MED12: variants seen among roughly 807,000 people sequenced by gnomAD.
MED12 encodes the protein mediator complex subunit 12.
A neutral mutation model predicts 177.7 loss-of-function variants in MED12; 10 were observed. The ratio of observed to expected loss-of-function variants is 0.06; its 90% CI spans 0.03 to 0.10. The LOEUF (loss-of-function observed/expected upper bound fraction) is 0.10. Ranked by LOEUF, MED12 falls within the 10% of genes least tolerant of loss-of-function variation. The pLI is 1.00. For missense variants in MED12, 867 were observed against 1,780.8 expected, an observed-to-expected ratio of 0.49 and a Z score of 9.23; for synonymous variants, 641 against 678.4, an observed-to-expected ratio of 0.94 and a Z score of 0.86.
intron 14 of MED12, 36 bp from the exon 15 acceptor site, chrX:71,124,940 T>C (rs769799449): frequency 2.5e-6 from 3 of 1,207,379 alleles, no homozygotes; most frequent in Non-Finnish European, 3.4e-6. Context: ...TCCACTTTCC[T>C]TCTTCTCATG....
intron 31 of MED12, 83 bp from the exon 32 acceptor site, chrX:71,132,752 CCTCTCCTCTT>C (rs1177076252): frequency 6.3e-6 from 5 of 793,810 alleles, no homozygotes; most frequent in Admixed American, 3.0e-5. Context: ...TCCCTTTTCT[CCTCTCCTCTT>C]CTCTCCTCTT....
rs372991031 is a variant in MED12, at chrX:71,135,067, T to C, written c.4864-25T>C. The stretch of plus-strand genomic sequence containing the variant: ...CCCTGTTTTCTGTATCTCTGAACTC[T>C]TGTCCCATCTTCCTGTGCCTGCAGA... On this transcript the variant is annotated intron_variant, in intron 35 of 44. Coordinates refer to ENST00000374080, the MANE Select transcript of MED12 (RefSeq NM_005120.3). 5.0e-6 allele frequency: 6 copies of C among 1,208,761 alleles called. No homozygotes were observed. The African/African-American group carries it at 1.1e-4, about 21-fold the overall frequency.
Position 71,128,612 on chromosome X carries a change from T to A in MED12, c.3369T>A (p.Ser1123=). 8.3e-7 allele frequency: 1 copy of A among 1,211,300 alleles called. No individual in the cohort carries two copies. The highest frequency in any genetic ancestry group is 1.1e-6 in the Non-Finnish European group (1 of 895,489). The change falls in exon 24 of 45, where the codon TCT becomes TCA. Residue 1123 remains serine (S), a synonymous_variant. Transcript: ENST00000374080. The part of the protein sequence containing the change: ...LLCNVDVSDL[S]FHDSLATFVA... ...TTTTCCTCCAGGTCAGTGACCTATC[T>A]TTTCATGACTCGCTGGCTACTTTTG...
At chrX:71,142,046 C>A in intron 44 of MED12, 82 bp downstream of exon 44, 1 of 1,119,551 alleles carries the variant, frequency 8.9e-7, no homozygotes, top group Non-Finnish European at 1.2e-6. Context: ...GAAACGATAG[C>A]TTCAGGCCCA....
chrX:71,125,857 C>T, intron 17 of MED12, 144 bp downstream of exon 17: 1 of 614,069 alleles, frequency 1.6e-6, no homozygotes. Flanking sequence ...CCCTTCATTC[C>T]TCCCCCATCC....
At position 71,125,439 on chromosome X, in the gene MED12, A is replaced by G; in HGVS notation, c.2315A>G (p.Lys772Arg). The change falls in exon 16 of 45, where the codon AAG (lysine) becomes AGG (arginine). Residue 772 changes from lysine to arginine, a missense_variant. Physicochemically the swap from Lys to Arg is conservative, Grantham distance 26. Around this residue, in one of 14 missense-constraint regions of MED12, gnomAD observed 309 missense variants for 556.3 expected, o/e 0.56. Coordinates refer to ENST00000374080, the MANE Select transcript of MED12 (RefSeq NM_005120.3). ...KQRDDARHAI[K>R]KITKDILKVL... is the part of the protein sequence containing the mutation. The stretch of plus-strand genomic sequence containing the variant: ...CGAGATGATGCCCGCCATGCCATCA[A>G]GAAAATCACCAAGGATATCTTGAAG... 3 of 1,211,144 alleles carry G rather than the reference A, an allele frequency of 2.5e-6. No homozygotes were observed. Among genetic ancestry groups the G allele is most frequent in the East Asian group, 3.0e-5 (1 of 33,824 alleles).
chrX:71,124,417 G>T (rs1383627532), intron 13 of MED12, 29 bp downstream of exon 13: 1 of 1,091,663 alleles, frequency 9.2e-7, no homozygotes, highest in Admixed American at 2.5e-5. Context: ...GCACTAGATC[G>T]TTTCTTCTGA....
chrX:71,141,342 C>G lies in MED12; in HGVS notation c.6380C>G (p.Pro2127Arg). Reference protein sequence around the residue: ...QQQQQQQAAPPQPQPQSQPQF... With the variant: ...QQQQQQQAAPRQPQPQSQPQF... ...CAACAGCAGCAACAGGCGGCTCCTC[C>G]CCAACCCCAGCCCCAGTCCCAGCCC... Residue 2127 changes from proline to arginine, a missense_variant, in exon 43 of 45, where the codon CCC becomes CGC. By Grantham distance (103) the Pro-to-Arg change is moderately radical. Around this residue, in one of 14 missense-constraint regions of MED12, gnomAD observed 236 missense variants for 345.2 expected, o/e 0.68. Transcript: ENST00000374080. 8.6e-7 allele frequency: 1 copy of G among 1,158,224 alleles called. No homozygotes were observed. Among genetic ancestry groups the G allele is most frequent in the Non-Finnish European group, 1.2e-6 (1 of 869,006 alleles).
rs1468713478 is a variant in MED12, at chrX:71,142,219, G to T, written c.*1G>T. On this transcript the variant is annotated 3_prime_UTR_variant, in exon 45 of 45. Coordinates refer to ENST00000374080, the MANE Select transcript of MED12 (RefSeq NM_005120.3). ...TACCAACATATTTGGACGCTACTGA[G>T]CCACCTGGAGGAACTGCTTGTGCAC... is the stretch of plus-strand genomic sequence containing the variant. 2.5e-6 allele frequency: 3 copies of T among 1,210,132 alleles called. No homozygotes were observed. Among genetic ancestry groups the T allele is most frequent in the Admixed American group, 4.3e-5 (2 of 46,063 alleles).
chrX:71,136,188 C>T (rs2147825649), intron 36 of MED12, 93 bp from the exon 37 acceptor site: 2 of 1,054,718 alleles, frequency 1.9e-6, no homozygotes, highest in Non-Finnish European at 2.7e-6. Context: ...CCTGAATCTG[C>T]CTATGACTTT....
chrX:71,126,400 G>A lies in MED12; in HGVS notation c.2601G>A (p.Leu867=). The part of the protein sequence containing the change: ...TSFALGMSYH[L]PLVQHVQFIF... ...TTGCCCTTGGCATGTCATACCACTT[G>A]CCTCTGGTGCAGCATGTGCAGTTCA... The change falls in exon 19 of 45, where the codon TTG becomes TTA. Residue 867 remains leucine (L), a synonymous_variant. Coordinates refer to ENST00000374080, the MANE Select transcript of MED12 (RefSeq NM_005120.3). The A allele has an allele frequency of 8.3e-7, 1 of 1,211,598 alleles. No individual in the cohort carries two copies. Among genetic ancestry groups the A allele is most frequent in the South Asian group, 1.8e-5 (1 of 57,009 alleles).
Position 71,129,379 on chromosome X carries a change from G to A in MED12, c.3641G>A (p.Arg1214His), listed in dbSNP as rs2092311084. 5 of 1,209,979 alleles carry A rather than the reference G, an allele frequency of 4.1e-6. No homozygotes were observed. Among genetic ancestry groups the A allele is most frequent in the Non-Finnish European group, 5.6e-6 (5 of 893,827 alleles). ...DRHLLAASQN[R>H]IVDGAVFAVL... ...CACCTGCTGGCTGCCTCCCAGAACCGCATCGTGGATGGAGCCGTGTTTGCT... is the reference window on the plus strand; with the variant it reads ...CACCTGCTGGCTGCCTCCCAGAACCACATCGTGGATGGAGCCGTGTTTGCT... The change falls in exon 26 of 45, where the codon CGC (arginine) becomes CAC (histidine). Residue 1214 changes from arginine to histidine, a missense_variant. By Grantham distance (29) the Arg-to-His change is conservative (BLOSUM62 0). Transcript: ENST00000374080.
intron 33 of MED12, among the ~76,000 whole-genome samples, chrX:71,133,805 C>T (rs929986818): frequency 9.0e-6 from 1 of 111,390 alleles, no homozygotes; most frequent in Non-Finnish European, 1.9e-5. Flanking sequence ...TGGAAACCCA[C>T]TGTGGAATGT....
chrX:71,122,670 A>C, intron 9 of MED12, 63 bp downstream of exon 9: 1 of 1,202,564 alleles, frequency 8.3e-7, no homozygotes, highest in Admixed American at 2.2e-5. Context: ...TAGTAAGGAC[A>C]TGTAGATCTA....
chrX:71,130,227 C>A lies in MED12; in HGVS notation c.4047+13C>A. 8.3e-7 allele frequency: 1 copy of A among 1,198,897 alleles called. No individual in the cohort carries two copies. Among genetic ancestry groups the A allele is most frequent in the East Asian group, 3.0e-5 (1 of 33,411 alleles). On this transcript the variant is annotated intron_variant, in intron 28 of 44. Transcript: ENST00000374080. ...GCGCATTCTCCAGGTAGGCCAAGGC[C>A]GTGGGGGCTGTGGAGGAAGCAGTGG...
intron 29 of MED12, 48 bp downstream of exon 29, chrX:71,131,669 A>C (rs192947802): frequency 8.7e-7 from 1 of 1,149,448 alleles, no homozygotes; most frequent in African/African-American, 1.8e-5. Context: ...GTTCAGCTCC[A>C]TGTGTCAGGG....
Position 71,124,991 on chromosome X carries a change from A to G in MED12, c.2071A>G (p.Met691Val). ...TTTCTCTCAGTTGTTCTCCCCTACT[A>G]TGCCCTGTGAGGGGAAGGGCAGTCC... ...KPDFSLFSPT[M>V]PCEGKGSPSP... The change falls in exon 15 of 45, where the codon ATG (methionine) becomes GTG (valine). Residue 691 changes from methionine to valine, a missense_variant. Around this residue, in one of 14 missense-constraint regions of MED12, gnomAD observed 309 missense variants for 556.3 expected, o/e 0.56. Coordinates refer to ENST00000374080, the MANE Select transcript of MED12 (RefSeq NM_005120.3). 2 of 1,210,054 alleles carry G rather than the reference A, an allele frequency of 1.7e-6. No individual in the cohort carries two copies. Among genetic ancestry groups the G allele is most frequent in the Non-Finnish European group, 2.2e-6 (2 of 894,938 alleles).
chrX:71,126,908 G>T, intron 19 of MED12, 61 bp from the exon 20 acceptor site: 1 of 1,129,679 alleles, frequency 8.9e-7, no homozygotes, highest in South Asian at 1.8e-5. Flanking sequence ...CCCACAGGAA[G>T]GTGGTTTCTA....
At chrX:71,138,694 C>T (rs1252178870) in intron 41 of MED12, among the ~76,000 whole-genome samples, 1 of 108,323 alleles carries the variant, frequency 9.2e-6, no homozygotes, top group African/African-American at 3.4e-5. Context: ...GAGCTGTAAT[C>T]GCACAATGAG....
Sources: allele counts gnomAD v4.1 joint callset (sites outside exome capture counted in the v4.1 genomes callset), GRCh38; gene constraint gnomAD v4.1.1; regional missense constraint gnomAD v4.1.1; transcripts MANE v1.5; gene names NCBI Gene and HGNC (gene_info 2026-07-23, HGNC 2026-07-21).